The following ABCD2 variants were observed in gnomAD, a reference collection of about 807,000 sequenced individuals.
ABCD2 encodes ATP binding cassette subfamily D member 2, also known as ATP-binding cassette sub-family D member 2.
ABCD2 carries 36 observed loss-of-function variants against 70.9 expected under a neutral mutation model. That is an observed-to-expected ratio of 0.51 (90% CI 0.39 to 0.67). The LOEUF is 0.67. Ranked by LOEUF, ABCD2 falls within the 30% of genes least tolerant of loss-of-function variation. The pLI, the probability that ABCD2 is intolerant of heterozygous loss-of-function variation, is 0.00. For synonymous variants in ABCD2, 304 were observed against 306.9 expected (o/e 0.99, Z 0.10); for missense variants, 729 against 890.2 (o/e 0.82, Z 2.30).
At position 39,577,121 on chromosome 12, in the gene ABCD2, A is replaced by G. The variant is rs1054282519; in HGVS notation, c.1877+2414T>C. On this transcript the variant is annotated intron_variant, in intron 8 of 9. Coordinates refer to ENST00000308666, the MANE Select transcript of ABCD2 (RefSeq NM_005164.4). ...TGTTTAAATGTTACAGTAATTTAAA[A>G]TTTGAATAATTTAAAATGTCCAAAA... Among the ~76,000 whole-genome samples the G allele has an allele frequency of 3.3e-5, 5 of 152,260 alleles. No homozygotes were observed. The East Asian group carries it at 9.6e-4, about 29-fold the overall frequency.
chr12:39,564,604 C>A (rs980246171), intron 9 of ABCD2, among the ~76,000 whole-genome samples: 5 of 152,136 alleles, frequency 3.3e-5, no homozygotes, highest in Admixed American at 1.3e-4. Flanking sequence ...ATGGTAGTTT[C>A]TTTTGCTGTG....
intron 8 of ABCD2, among the ~76,000 whole-genome samples, chr12:39,576,925 C>T (rs1591978689): frequency 1.3e-5 from 2 of 151,500 alleles, no homozygotes; most frequent in East Asian, 3.9e-4. Context: ...AACAATAAGC[C>T]CTGGTTAACT....
the ABCD2 span, among the ~76,000 whole-genome samples, chr12:39,538,316 C>A: frequency 1.3e-5 from 2 of 151,802 alleles, no homozygotes; most frequent in Admixed American, 1.3e-4. Flanking sequence ...ACTACAGGTG[C>A]CTGCCACATG....
At chr12:39,574,486 CT>C (rs1362342348) in intron 8 of ABCD2, among the ~76,000 whole-genome samples, 1 of 151,976 alleles carries the variant, frequency 6.6e-6, no homozygotes, top group African/African-American at 2.4e-5. Context: ...TTGATAATGC[CT>C]GTCTGTTATC....
intron 2 of ABCD2, among the ~76,000 whole-genome samples, chr12:39,608,568 A>T (rs759684080): frequency 1.2e-3 from 177 of 151,780 alleles, no homozygotes; most frequent in Non-Finnish European, 1.6e-3. Flanking sequence ...GATTCCTGCA[A>T]TCCCAGCTAC....
rs371389290 is a variant in ABCD2 at position 39,595,078 on chromosome 12, A to C, written c.1646+5493T>G. ...GACACTCTGTTTCAAAAAAAGAAAA[A>C]GAAAAAAGAAGATAGCTGAAGATAC... On this transcript the variant is annotated intron_variant, in intron 6 of 9. Transcript: ENST00000308666. Among the ~76,000 whole-genome samples, 28 of 152,292 alleles carry C rather than the reference A, an allele frequency of 1.8e-4. No individual in the cohort carries two copies. In the East Asian group the frequency reaches 4.0e-3, roughly 22 times the overall value.
At chr12:39,556,322 G>A (rs1016831837) in intron 9 of ABCD2, among the ~76,000 whole-genome samples, 1 of 152,146 alleles carries the variant, frequency 6.6e-6, no homozygotes, top group African/African-American at 2.4e-5. Flanking sequence ...ATCTCATTTT[G>A]AATTGTAATC....
At chr12:39,605,354 T>C (rs749986220) in intron 3 of ABCD2, among the ~76,000 whole-genome samples, 3 of 152,110 alleles carry the variant, frequency 2.0e-5, no homozygotes, top group Admixed American at 6.6e-5. Flanking sequence ...CTTTTTGTCC[T>C]ATTATGAAAT....
Position 39,551,537 on chromosome 12 carries a change from A to G in ABCD2, c.*2375T>C, listed in dbSNP as rs894794364. ...GTACATAAATACAAGTTCAAATCAG[A>G]GATGTTTTCCCTTCCAAGTTAAGGA... On this transcript the variant is annotated 3_prime_UTR_variant, in exon 10 of 10. Coordinates refer to ENST00000308666, the MANE Select transcript of ABCD2 (RefSeq NM_005164.4). The G allele has an allele frequency of 2.0e-5, 3 of 151,792 alleles. No homozygotes were observed. Among genetic ancestry groups the G allele is most frequent in the African/African-American group, 7.2e-5 (3 of 41,410 alleles). The allele number at this position is 151,792 out of a possible 1,614,324, so 9.4% of individuals were successfully genotyped here.
chr12:39,579,172 G>C (rs1416101206), intron 8 of ABCD2, among the ~76,000 whole-genome samples: 1 of 152,224 alleles, frequency 6.6e-6, no homozygotes, highest in South Asian at 2.1e-4. Flanking sequence ...GACCAGCCTG[G>C]CCAACATGGT....
rs190988567 is a variant in ABCD2, at chr12:39,604,369, A to G, written c.1406-363T>C. ...GAAAAAAAACCACAGTGCTGCAAAA[A>G]AGGGAAATAAGACATAGAATAATGC... is the stretch of plus-strand genomic sequence containing the variant. On this transcript the variant is annotated intron_variant, in intron 4 of 9. Coordinates refer to ENST00000308666, the MANE Select transcript of ABCD2 (RefSeq NM_005164.4). Among the ~76,000 whole-genome samples the G allele has an allele frequency of 7.1e-4, 108 of 152,170 alleles. 1 individual carries two copies. The highest frequency in any genetic ancestry group is 2.5e-3 in the African/African-American group (104 of 41,566).
Position 39,553,722 on chromosome 12 carries a change from A to AGG in ABCD2, c.*189_*190insCC. 1.8e-6 allele frequency: 1 copy of AGG among 571,228 alleles called. No individual in the cohort carries two copies. The highest frequency in any genetic ancestry group is 3.1e-6 in the Non-Finnish European group (1 of 323,286). The allele number at this position is 571,228 out of a possible 1,614,324, so 35.4% of individuals were successfully genotyped here. A position where few individuals can be genotyped will look rare whatever the true frequency, so the allele number is the denominator to read the frequency against. On this transcript the variant is annotated 3_prime_UTR_variant, in exon 10 of 10. Coordinates refer to ENST00000308666, the MANE Select transcript of ABCD2 (RefSeq NM_005164.4). ...GAATTAGTATAAGTCATAATGACTGACCTTACATAATGCATTTGTTTATTT... is the reference window on the plus strand; with the variant it reads ...GAATTAGTATAAGTCATAATGACTGAGGCCTTACATAATGCATTTGTTTATTT...
At chr12:39,534,811 G>GA in the ABCD2 span, among the ~76,000 whole-genome samples, 6 of 130,152 alleles carry the variant, frequency 4.6e-5, no homozygotes, top group East Asian at 2.2e-4. Context: ...AGAAAGAAAA[G>GA]AAAGGAAGGA....
chr12:39,607,745 GTTTTT>G (rs58771682), intron 2 of ABCD2, 31 bp from the exon 3 acceptor site: 20 of 775,398 alleles, frequency 2.6e-5, no homozygotes, highest in Admixed American at 1.3e-4. Context: ...CAAAACTTGA[GTTTTT>G]TTTTTTTTTT....
intron 9 of ABCD2, among the ~76,000 whole-genome samples, chr12:39,562,711 C>T (rs1294526682): frequency 1.3e-5 from 2 of 152,056 alleles, no homozygotes; most frequent in Admixed American, 6.6e-5. Flanking sequence ...AATCTGATGG[C>T]TTAACTACCA....
At chr12:39,560,258 G>T (rs888935449) in intron 9 of ABCD2, among the ~76,000 whole-genome samples, 11 of 152,128 alleles carry the variant, frequency 7.2e-5, no homozygotes, top group Non-Finnish European at 1.5e-4. Flanking sequence ...AGAACATGTG[G>T]TGTTTGGTTT....
chr12:39,532,892 G>T, the ABCD2 span, among the ~76,000 whole-genome samples: 11 of 152,282 alleles, frequency 7.2e-5, no homozygotes, highest in African/African-American at 2.2e-4. Context: ...AGATGCAGTG[G>T]CTCACGCCTG....
At chr12:39,544,181 A>C in the ABCD2 span, among the ~76,000 whole-genome samples, 1 of 152,086 alleles carries the variant, frequency 6.6e-6, no homozygotes, top group Admixed American at 6.6e-5. Context: ...GTCAGGGATA[A>C]AATCATAGAG....
At chr12:39,581,251 GT>G (rs1358299135) in intron 7 of ABCD2, among the ~76,000 whole-genome samples, 1 of 152,110 alleles carries the variant, frequency 6.6e-6, no homozygotes, top group African/African-American at 2.4e-5. Context: ...ATGTGAAAGT[GT>G]TACTCCAAAA....
Sources: allele counts gnomAD v4.1 joint callset (sites outside exome capture counted in the v4.1 genomes callset), GRCh38; gene constraint gnomAD v4.1.1; transcripts MANE v1.5; gene names NCBI Gene and HGNC (gene_info 2026-07-23, HGNC 2026-07-21).